The following SENP7 variants were observed in gnomAD, a reference collection of about 807,000 sequenced individuals.
SENP7 encodes sentrin-specific protease 7.
A neutral mutation model predicts 141.2 loss-of-function variants in SENP7; 64 were observed. The observed-to-expected ratio is 0.45, with a 90% CI of 0.37 to 0.56. The LOEUF (loss-of-function observed/expected upper bound fraction) is 0.56, where lower values mean the gene tolerates loss of function less well. Ranked by LOEUF, SENP7 falls within the 20% of genes least tolerant of loss-of-function variation. The probability of loss-of-function intolerance (pLI) is 0.00; values close to 1 mark genes in which losing one functional copy is unlikely to be tolerated. For synonymous variants in SENP7, 382 were observed against 426.4 expected (o/e 0.90, Z 1.28); for missense variants, 1,025 against 1,212.2 (o/e 0.85, Z 2.29).
intron 11 of SENP7, among the ~76,000 whole-genome samples, chr3:101,356,156 T>C (rs1028865041): frequency 6.6e-6 from 1 of 152,186 alleles, no homozygotes; most frequent in African/African-American, 2.4e-5. Context: ...CTCACTATAA[T>C]GTTGAAAAGT....
At chr3:101,457,689 AGT>A in intron 4 of SENP7, 1 of 1,243,846 alleles carries the variant, frequency 8.0e-7, no homozygotes, top group Non-Finnish European at 1.2e-6. Context: ...TTGTGCCTGC[AGT>A]TTGGCAAGTT....
intron 5 of SENP7, among the ~76,000 whole-genome samples, chr3:101,406,578 T>TAA (rs1189812350): frequency 5.5e-5 from 7 of 126,638 alleles, no homozygotes; most frequent in Admixed American, 2.4e-4. Flanking sequence ...ACTTAAAGTA[T>TAA]AAAAAAAAAA....
intron 3 of SENP7, among the ~76,000 whole-genome samples, chr3:101,463,380 T>TATATATATAC (rs1553744727): frequency 1.5e-3 from 107 of 72,114 alleles, no homozygotes; most frequent in African/African-American, 5.9e-3. Context: ...TATATATATA[T>TATATATATAC]ATATATATAT....
Position 101,324,940 on chromosome 3 carries a change from A to G in SENP7, c.*1003T>C, listed in dbSNP as rs1374270590. On this transcript the variant is annotated 3_prime_UTR_variant, in exon 24 of 24. Coordinates refer to ENST00000394095, the MANE Select transcript of SENP7 (RefSeq NM_020654.5). ...TAAAAAATTAAGTTCCATGAGGATC[A>G]TAGGTCTCTAAAAGCTACAATTTAA... 1 of 152,074 alleles carries G rather than the reference A, an allele frequency of 6.6e-6. No homozygotes were observed. The allele number at this position is 152,074 out of a possible 1,614,324, so 9.4% of individuals were successfully genotyped here.
intron 6 of SENP7, among the ~76,000 whole-genome samples, chr3:101,373,547 C>T (rs1490741487): frequency 6.6e-6 from 1 of 151,994 alleles, no homozygotes; most frequent in Non-Finnish European, 1.5e-5. Context: ...GTTTTTCTAG[C>T]ACAATGAACA....
chr3:101,482,292 G>A (rs762909183), intron 3 of SENP7, among the ~76,000 whole-genome samples: 111 of 149,650 alleles, frequency 7.4e-4, no homozygotes, highest in African/African-American at 2.7e-3. Context: ...CAGCCTGGGC[G>A]ACAGAGCGAG....
chr3:101,498,218 A>T (rs1221461975), intron 2 of SENP7, among the ~76,000 whole-genome samples: 1 of 152,244 alleles, frequency 6.6e-6, no homozygotes, highest in Non-Finnish European at 1.5e-5. Flanking sequence ...AGTAAACAAA[A>T]GTTTGAGAAG....
chr3:101,350,531 A>G (rs906999483), intron 12 of SENP7, among the ~76,000 whole-genome samples: 5 of 152,082 alleles, frequency 3.3e-5, no homozygotes, highest in African/African-American at 1.2e-4. Flanking sequence ...ATCACTGAAG[A>G]GAGTATTTTT....
rs1256004322 is a variant in SENP7, at chr3:101,337,754, GT to G, written c.2358-124del. On this transcript the variant is annotated intron_variant, in intron 16 of 23. Coordinates refer to ENST00000394095, the MANE Select transcript of SENP7 (RefSeq NM_020654.5). ...TATTTTGATTCAAAGCAATCTTGCA[GT>G]TTCCTCTGATTTCAGCTTTCAGTTT... 5.9e-6 allele frequency: 5 copies of G among 850,150 alleles called. No homozygotes were observed. In the East Asian group the frequency reaches 1.6e-4, roughly 26 times the overall value. 52.7% of individuals were successfully genotyped at this position (850,150 alleles called of 1,614,324 possible).
chr3:101,480,056 T>C (rs1283853311), intron 3 of SENP7, among the ~76,000 whole-genome samples: 1 of 152,002 alleles, frequency 6.6e-6, no homozygotes, highest in Admixed American at 6.5e-5. Flanking sequence ...AGATATATCA[T>C]GCTTATGAAC....
At chr3:101,500,576 A>G (rs931243336) in intron 2 of SENP7, among the ~76,000 whole-genome samples, 1 of 152,202 alleles carries the variant, frequency 6.6e-6, no homozygotes, top group Non-Finnish European at 1.5e-5. Context: ...CTTTCTTAAA[A>G]GGAATTAATT....
chr3:101,479,133 A>G (rs951113282), intron 3 of SENP7, among the ~76,000 whole-genome samples: 1 of 152,248 alleles, frequency 6.6e-6, no homozygotes, highest in Non-Finnish European at 1.5e-5. Flanking sequence ...TCCCTCTAAG[A>G]ACTGGAACAA....
chr3:101,341,534 G>T (rs577992595), intron 15 of SENP7, 112 bp downstream of exon 15: 4 of 933,918 alleles, frequency 4.3e-6, no homozygotes, highest in Non-Finnish European at 5.9e-6. Context: ...ATTACTATCA[G>T]CATGAAAGTA....
chr3:101,403,668 C>T (rs1242399557), intron 5 of SENP7, among the ~76,000 whole-genome samples: 4 of 152,100 alleles, frequency 2.6e-5, no homozygotes, highest in Admixed American at 2.6e-4. Context: ...ATCTAGAAAA[C>T]CCGATAGTCT....
chr3:101,365,137 G>C (rs572753260), intron 9 of SENP7, 146 bp from the exon 10 acceptor site: 158 of 432,430 alleles, frequency 3.7e-4, no homozygotes, highest in Non-Finnish European at 5.5e-4. Context: ...CGAGTAGCTG[G>C]AATTACAGGC....
rs567326943 is a variant in SENP7, at chr3:101,453,165, G to A, written c.284+5790C>T. Among the ~76,000 whole-genome samples, 12 of 152,296 alleles carry A rather than the reference G, an allele frequency of 7.9e-5. 1 individual carries two copies. In the South Asian group the frequency reaches 2.3e-3, roughly 29 times the overall value. On this transcript the variant is annotated intron_variant, in intron 4 of 23. Transcript: ENST00000394095. The stretch of plus-strand genomic sequence containing the variant: ...GAAATGCAAATCAAAACCACAATGA[G>A]ATACCATCTCACACCAGTTAGAATG...
At chr3:101,344,130 CA>C (rs1352128856) in intron 13 of SENP7, among the ~76,000 whole-genome samples, 176 bp from the exon 14 acceptor site, 1 of 152,052 alleles carries the variant, frequency 6.6e-6, no homozygotes, top group Non-Finnish European at 1.5e-5. Context: ...AATCCAGAAC[CA>C]AAACTCACAA....
chr3:101,457,284 A>G, intron 4 of SENP7: 1 of 1,563,018 alleles, frequency 6.4e-7, no homozygotes, highest in South Asian at 1.1e-5. Flanking sequence ...ATTCTCCACA[A>G]GATCAGGAAC....
chr3:101,449,697 C>A (rs916730453), intron 4 of SENP7, among the ~76,000 whole-genome samples: 2 of 152,130 alleles, frequency 1.3e-5, no homozygotes, highest in South Asian at 4.1e-4. Context: ...CCAGGCCTGC[C>A]CTACAACAGC....
Sources: allele counts gnomAD v4.1 joint callset (sites outside exome capture counted in the v4.1 genomes callset), GRCh38; gene constraint gnomAD v4.1.1; transcripts MANE v1.5; gene names NCBI Gene and HGNC (gene_info 2026-07-23, HGNC 2026-07-21).